Variants in GTF2F2 observed in about 807,000 individuals in gnomAD.
GTF2F2 encodes ATP-dependent helicase GTF2F2.
A neutral mutation model predicts 42.2 loss-of-function variants in GTF2F2; 23 were observed. The observed-to-expected ratio is 0.55, with a 90% CI of 0.39 to 0.77. The LOEUF is 0.77. Among genes scored for constraint, GTF2F2 ranks in the 30% least tolerant of loss-of-function variants. The pLI is 0.00. For missense variants in GTF2F2, 261 were observed against 287.2 expected (o/e 0.91, Z 0.66); for synonymous variants, 105 against 100.8 (o/e 1.04, Z -0.25).
intron 4 of GTF2F2, among the ~76,000 whole-genome samples, chr13:45,167,024 G>T (rs1405542476): frequency 6.6e-6 from 1 of 151,770 alleles, no homozygotes; most frequent in Non-Finnish European, 1.5e-5. Flanking sequence ...CTGCCCAGAA[G>T]CGAAACTCTG....
At chr13:45,228,185 G>A (rs1410051439) in intron 5 of GTF2F2, among the ~76,000 whole-genome samples, 2 of 151,004 alleles carry the variant, frequency 1.3e-5, no homozygotes, top group Middle Eastern at 3.4e-3. Context: ...TAACCGACGG[G>A]CACTGAGCAG....
chr13:45,144,136 C>G (rs1420420415), intron 2 of GTF2F2, among the ~76,000 whole-genome samples: 1 of 151,874 alleles, frequency 6.6e-6, no homozygotes, highest in African/African-American at 2.4e-5. Context: ...GCTATAATCC[C>G]AGCTCCTCGG....
At chr13:45,212,950 C>T (rs923320624) in intron 5 of GTF2F2, among the ~76,000 whole-genome samples, 3 of 151,926 alleles carry the variant, frequency 2.0e-5, no homozygotes, top group Non-Finnish European at 2.9e-5. Context: ...CCTTTTTGGC[C>T]AGGCTGGTCT....
intron 1 of GTF2F2, among the ~76,000 whole-genome samples, chr13:45,122,270 A>G (rs1006851794): frequency 2.8e-5 from 4 of 144,200 alleles, no homozygotes; most frequent in African/African-American, 8.1e-5. Context: ...TTTATTCAGG[A>G]AAAAAAAAAA....
intron 4 of GTF2F2, among the ~76,000 whole-genome samples, chr13:45,189,433 A>G (rs1019319343): frequency 6.6e-6 from 1 of 152,220 alleles, no homozygotes; most frequent in African/African-American, 2.4e-5. Flanking sequence ...TGGGATGGCT[A>G]GGTCAAATGG....
chr13:45,153,185 T>A (rs1389658003), intron 4 of GTF2F2, among the ~76,000 whole-genome samples: 2 of 151,318 alleles, frequency 1.3e-5, no homozygotes, highest in African/African-American at 4.8e-5. Context: ...AATTTTTTTT[T>A]TTTTTTGTAT....
At chr13:45,209,404 C>A (rs757739805) in intron 5 of GTF2F2, among the ~76,000 whole-genome samples, 2 of 152,130 alleles carry the variant, frequency 1.3e-5, no homozygotes. Context: ...TGAGGTATCC[C>A]CATTGTTAAG....
intron 7 of GTF2F2, among the ~76,000 whole-genome samples, chr13:45,276,730 C>T (rs1016779897): frequency 1.3e-5 from 2 of 152,116 alleles, no homozygotes; most frequent in East Asian, 1.9e-4. Flanking sequence ...CATGAGCCAC[C>T]GCGCCCGGCC....
intron 5 of GTF2F2, among the ~76,000 whole-genome samples, chr13:45,228,687 T>TTTTTTTTG (rs1874504585): frequency 1.3e-5 from 2 of 148,938 alleles, no homozygotes; most frequent in African/African-American, 2.5e-5. Context: ...TTTTTTTTTT[T>TTTTTTTTG]GAGACGGAGT....
intron 5 of GTF2F2, among the ~76,000 whole-genome samples, chr13:45,209,323 C>A (rs919130405): frequency 6.6e-6 from 1 of 152,070 alleles, no homozygotes. Flanking sequence ...CAGAGTATAC[C>A]ATCTAGGTTT....
intron 4 of GTF2F2, among the ~76,000 whole-genome samples, chr13:45,205,330 C>T (rs556931116): frequency 3.3e-5 from 5 of 152,096 alleles, no homozygotes; most frequent in Non-Finnish European, 7.4e-5. Flanking sequence ...CTCATTATCA[C>T]GAGAACAGCA....
At position 45,181,200 on chromosome 13, in the gene GTF2F2, A is replaced by AAAAAAAAAAAAAC. The variant is rs766375703; in HGVS notation, c.305-26221_305-26220insAAAAAAAAACAAA. On this transcript the variant is annotated intron_variant, in intron 4 of 7. Coordinates refer to ENST00000340473, the MANE Select transcript of GTF2F2 (RefSeq NM_004128.3). ...AAAAAACAAACAAACAAAAAAAAAAAAAACCAGAAAAACCAAAGGTGATAT... is the reference window on the plus strand; with the variant it reads ...AAAAAACAAACAAACAAAAAAAAAAAAAAAAAAAAAAACAAACCAGAAAAACCAAAGGTGATAT... 1.1e-4 allele frequency among the ~76,000 whole-genome samples: 15 copies of AAAAAAAAAAAAAC among 132,884 alleles called. 1 individual carries two copies. Among genetic ancestry groups the AAAAAAAAAAAAAC allele is most frequent in the Non-Finnish European group, 1.3e-4 (8 of 60,694 alleles). The allele number at this position is 132,884 out of a possible 152,430, so 87.2% of individuals were successfully genotyped here.
At chr13:45,263,267 A>G (rs1488353424) in intron 6 of GTF2F2, among the ~76,000 whole-genome samples, 1 of 150,954 alleles carries the variant, frequency 6.6e-6, no homozygotes, top group Admixed American at 6.6e-5. Context: ...TCACTCTGTC[A>G]CCCAGGCTAG....
rs1593438213 is a variant in GTF2F2 at position 45,120,582 on chromosome 13, G to A, written c.-74G>A. The A allele has an allele frequency of 7.4e-6, 8 of 1,086,842 alleles. No individual in the cohort carries two copies. Among genetic ancestry groups the A allele is most frequent in the Non-Finnish European group, 1.1e-5 (8 of 727,098 alleles). 67.3% of individuals were successfully genotyped at this position (1,086,842 alleles called of 1,614,324 possible). On this transcript the variant is annotated 5_prime_UTR_variant, in exon 1 of 8. Coordinates refer to ENST00000340473, the MANE Select transcript of GTF2F2 (RefSeq NM_004128.3). ...CTCAGCGCGGCTTGTCCTTTGTTCC[G>A]GACGCCCGCTCCTCAGCCCTGCGGC...
intron 5 of GTF2F2, among the ~76,000 whole-genome samples, chr13:45,235,650 C>T (rs902306563): frequency 6.6e-6 from 1 of 151,808 alleles, no homozygotes; most frequent in Non-Finnish European, 1.5e-5. Context: ...AGTGCAGTGG[C>T]GTGATCTCAG....
At chr13:45,195,624 T>C (rs2138175346) in intron 4 of GTF2F2, among the ~76,000 whole-genome samples, 1 of 152,254 alleles carries the variant, frequency 6.6e-6, no homozygotes, top group East Asian at 1.9e-4. Context: ...GTGAATGATG[T>C]CACCCTCCAC....
chr13:45,171,690 A>C (rs1316984701), intron 4 of GTF2F2, among the ~76,000 whole-genome samples: 1 of 152,166 alleles, frequency 6.6e-6, no homozygotes, highest in Non-Finnish European at 1.5e-5. Context: ...GTTTTAGTAC[A>C]TCCATCACCA....
At chr13:45,247,820 G>T (rs1161096774) in intron 5 of GTF2F2, among the ~76,000 whole-genome samples, 2 of 151,562 alleles carry the variant, frequency 1.3e-5, no homozygotes, top group Non-Finnish European at 2.9e-5. Flanking sequence ...AATTAAAATT[G>T]CAGTTTTTGT....
At chr13:45,183,315 C>T (rs1308966340) in intron 4 of GTF2F2, among the ~76,000 whole-genome samples, 1 of 152,062 alleles carries the variant, frequency 6.6e-6, no homozygotes, top group African/African-American at 2.4e-5. Flanking sequence ...AGGGAAGTTC[C>T]TAGGTAAGAA....
Sources: gnomAD v4.1 joint callset for allele counts (sites outside exome capture counted in the v4.1 genomes callset) on GRCh38, gnomAD v4.1.1 for gene constraint, MANE v1.5 for transcripts, NCBI Gene and HGNC (gene_info 2026-07-23, HGNC 2026-07-21) for gene names.